The following GMDS variants were observed in gnomAD, a reference collection of about 807,000 sequenced individuals.
GMDS encodes GDP-mannose 4,6-dehydratase.
In GMDS, 20 loss-of-function variants were observed where a neutral mutation model predicts 49.9. That is an observed-to-expected ratio of 0.40 (90% CI 0.28 to 0.58). The LOEUF (loss-of-function observed/expected upper bound fraction) is 0.58, where lower values mean the gene tolerates loss of function less well. Among genes scored for constraint, GMDS ranks in the 20% least tolerant of loss-of-function variants. The pLI is 0.42. For missense variants in GMDS, 362 were observed against 481.4 expected, an observed-to-expected ratio of 0.75 and a Z score of 2.32; for synonymous variants, 177 against 178.6, an observed-to-expected ratio of 0.99 and a Z score of 0.07.
chr6:2,139,025 T>C (rs575351389), intron 1 of GMDS, among the ~76,000 whole-genome samples: 2 of 152,330 alleles, frequency 1.3e-5, no homozygotes, highest in Admixed American at 6.5e-5. Flanking sequence ...TAACAAGTGA[T>C]GTAGTTACCT....
At chr6:1,693,510 T>C (rs1765241725) in intron 9 of GMDS, among the ~76,000 whole-genome samples, 1 of 152,244 alleles carries the variant, frequency 6.6e-6, no homozygotes, top group Non-Finnish European at 1.5e-5. Context: ...ATTTGTTTCC[T>C]GTATCTCAGA....
Position 1,689,638 on chromosome 6 carries a change from C to A in GMDS, c.987+36778G>T, listed in dbSNP as rs554971207. ...CCATCCCTCACTGACACACAAATCT[C>A]CTTCTTATTGCTTTTCTGTCCTGCA... On this transcript the variant is annotated intron_variant, in intron 9 of 10. Coordinates refer to ENST00000380815, the MANE Select transcript of GMDS (RefSeq NM_001500.4). 3.3e-5 allele frequency among the ~76,000 whole-genome samples: 5 copies of A among 152,306 alleles called. No homozygotes were observed. In the South Asian group the frequency reaches 1.0e-3, roughly 32 times the overall value.
chr6:1,894,108 T>C (rs188515410), intron 7 of GMDS, among the ~76,000 whole-genome samples: 2 of 152,344 alleles, frequency 1.3e-5, no homozygotes, highest in Non-Finnish European at 2.9e-5. Context: ...AAAATAAACA[T>C]GTCTTTTCAT....
chr6:1,742,602 G>A lies in GMDS; in HGVS notation c.772-16C>T. The A allele has an allele frequency of 7.0e-7, 1 of 1,419,482 alleles. No individual in the cohort carries two copies. The highest frequency in any genetic ancestry group is 9.9e-7 in the Non-Finnish European group (1 of 1,006,026). 87.9% of individuals were successfully genotyped at this position (1,419,482 alleles called of 1,614,324 possible). A position where few individuals can be genotyped will look rare whatever the true frequency, so the allele number is the denominator to read the frequency against. On this transcript the variant is annotated splice_polypyrimidine_tract_variant and intron_variant, in intron 7 of 10. Coordinates refer to ENST00000380815, the MANE Select transcript of GMDS (RefSeq NM_001500.4). ...ACCACATAGCCTAGAGGGAAAGAGA[G>A]GCAAGTTCACTTTGAAGTCACACTC... is the stretch of plus-strand genomic sequence containing the variant.
intron 1 of GMDS, among the ~76,000 whole-genome samples, chr6:2,223,176 T>TA (rs1391606048): frequency 6.6e-6 from 1 of 152,122 alleles, no homozygotes; most frequent in Non-Finnish European, 1.5e-5. Flanking sequence ...CATATATATA[T>TA]ATCCATATCC....
At chr6:2,201,750 T>C (rs529185030) in intron 1 of GMDS, among the ~76,000 whole-genome samples, 5 of 97,858 alleles carry the variant, frequency 5.1e-5, no homozygotes, top group South Asian at 4.2e-4. Flanking sequence ...AGCAGAGAGG[T>C]GAAGGATGAA....
chr6:1,785,737 G>C (rs114678868), intron 7 of GMDS, among the ~76,000 whole-genome samples: 13 of 152,360 alleles, frequency 8.5e-5, no homozygotes, highest in Non-Finnish European at 1.8e-4. Flanking sequence ...GATGGGGGTA[G>C]CAAGGCTCTG....
chr6:1,693,652 G>A (rs764931750), intron 9 of GMDS, among the ~76,000 whole-genome samples: 97 of 152,186 alleles, frequency 6.4e-4, no homozygotes, highest in Non-Finnish European at 1.1e-3. Context: ...CATCTTGGCT[G>A]GAAGTGGCTG....
At chr6:2,172,616 C>T (rs1481568413) in intron 1 of GMDS, among the ~76,000 whole-genome samples, 1 of 151,870 alleles carries the variant, frequency 6.6e-6, no homozygotes, top group Non-Finnish European at 1.5e-5. Flanking sequence ...TGCTTGAACC[C>T]GGGAGGCGGA....
At chr6:2,064,792 T>C (rs545904320) in intron 4 of GMDS, among the ~76,000 whole-genome samples, 8 of 152,288 alleles carry the variant, frequency 5.3e-5, no homozygotes, top group African/African-American at 1.9e-4. Context: ...GAGCTGATTC[T>C]TTGGGGATGC....
At chr6:2,207,600 C>T (rs1231834533) in intron 1 of GMDS, among the ~76,000 whole-genome samples, 2 of 151,962 alleles carry the variant, frequency 1.3e-5, no homozygotes, top group Admixed American at 6.5e-5. Context: ...TCAAATTGCC[C>T]ATTAACTTGT....
At chr6:1,698,232 G>C (rs1296377323) in intron 9 of GMDS, among the ~76,000 whole-genome samples, 1 of 152,016 alleles carries the variant, frequency 6.6e-6, no homozygotes, top group African/African-American at 2.4e-5. Flanking sequence ...AGCTTTGTGT[G>C]TATCTACACA....
rs554301963 is a variant in GMDS at position 1,736,371 on chromosome 6, C to G, written c.890+6097G>C. 2.0e-5 allele frequency among the ~76,000 whole-genome samples: 3 copies of G among 152,188 alleles called. No homozygotes were observed. The South Asian group carries it at 6.2e-4, about 32-fold the overall frequency. The stretch of plus-strand genomic sequence containing the variant: ...AGCGAGAAGAAAAAGAGAAGAAGAC[C>G]TCATTTAAATGGTAACTTGAAGCTT... On this transcript the variant is annotated intron_variant, in intron 8 of 10. Coordinates refer to ENST00000380815, the MANE Select transcript of GMDS (RefSeq NM_001500.4).
At position 1,742,499 on chromosome 6, in the gene GMDS, T is replaced by C. The variant is rs752667436; in HGVS notation, c.859A>G (p.Lys287Glu). ...GTTTTTCCAATGTGCAAGAATGATT[T>C]CTCGACAAATTCCCGGACACTATGG... is the stretch of plus-strand genomic sequence containing the variant. ...EVHSVREFVE[K>E]SFLHIGKTIV... The change falls in exon 8 of 11, where the codon AAA becomes GAA. Residue 287 changes from lysine (K) to glutamate (E), a missense_variant. Physicochemically the swap from Lys to Glu is moderately conservative, Grantham distance 56. Transcript: ENST00000380815. 3.1e-6 allele frequency: 5 copies of C among 1,608,912 alleles called. No homozygotes were observed. Among genetic ancestry groups the C allele is most frequent in the Non-Finnish European group, 4.3e-6 (5 of 1,175,344 alleles).
intron 9 of GMDS, among the ~76,000 whole-genome samples, chr6:1,660,861 G>A (rs1237593471): frequency 6.6e-6 from 1 of 150,418 alleles, no homozygotes; most frequent in East Asian, 1.9e-4. Context: ...GACAACCATG[G>A]TAGTAATTCC....
At chr6:2,066,601 AG>A (rs200654571) in intron 4 of GMDS, among the ~76,000 whole-genome samples, 3,746 of 152,140 alleles carry the variant, frequency 0.025, 143 homozygotes, top group African/African-American at 0.084. Context: ...AAAAAAAGGC[AG>A]GGGTTGCAAT....
At chr6:1,832,232 A>C (rs1350786918) in intron 7 of GMDS, among the ~76,000 whole-genome samples, 1 of 151,320 alleles carries the variant, frequency 6.6e-6, no homozygotes, top group East Asian at 2.0e-4. Context: ...CTCTACAAAA[A>C]ATAAGAAAAT....
intron 1 of GMDS, among the ~76,000 whole-genome samples, chr6:2,141,632 T>C (rs571250525): frequency 6.6e-6 from 1 of 152,164 alleles, no homozygotes; most frequent in Non-Finnish European, 1.5e-5. Flanking sequence ...AAGAAACTAC[T>C]GCCGTTTAAA....
intron 7 of GMDS, among the ~76,000 whole-genome samples, chr6:1,900,718 G>A (rs1760460122): frequency 1.3e-5 from 2 of 152,098 alleles, no homozygotes; most frequent in Admixed American, 6.5e-5. Flanking sequence ...GAAGCTGCTG[G>A]GTCATTTTAC....
Sources: gnomAD v4.1 joint callset for allele counts (sites outside exome capture counted in the v4.1 genomes callset) on GRCh38, gnomAD v4.1.1 for gene constraint, MANE v1.5 for transcripts, NCBI Gene and HGNC (gene_info 2026-07-23, HGNC 2026-07-21) for gene names.